The following CADM2 variants were observed in gnomAD, a reference collection of about 807,000 sequenced individuals.
CADM2 encodes immunoglobulin superfamily member 4D.
A neutral mutation model predicts 49.8 loss-of-function variants in CADM2; 12 were observed. That is an observed-to-expected ratio of 0.24 (90% CI 0.15 to 0.39). CADM2 has a LOEUF of 0.39. Ranked by LOEUF, CADM2 falls within the 10% of genes least tolerant of loss-of-function variation. CADM2 has a pLI of 1.00. For missense variants in CADM2, 378 were observed against 492.3 expected (o/e 0.77, Z 2.20); for synonymous variants, 214 against 175.4 (o/e 1.22, Z -1.74).
At chr3:84,998,145 A>G (rs891659182) in intron 1 of CADM2, among the ~76,000 whole-genome samples, 1 of 152,140 alleles carries the variant, frequency 6.6e-6, no homozygotes, top group African/African-American at 2.4e-5. Flanking sequence ...GGTTCATTTG[A>G]CATCTACTTG....
At chr3:85,795,594 A>G (rs1364804571) in intron 2 of CADM2, among the ~76,000 whole-genome samples, 1 of 152,200 alleles carries the variant, frequency 6.6e-6, no homozygotes, top group Non-Finnish European at 1.5e-5. Flanking sequence ...AAACTAGTGT[A>G]TATTAAATAT....
chr3:86,057,060 T>G (rs147738615), intron 8 of CADM2, among the ~76,000 whole-genome samples: 1 of 152,306 alleles, frequency 6.6e-6, no homozygotes, highest in Non-Finnish European at 1.5e-5. Context: ...ATATGAAGAA[T>G]TATATATTTT....
intron 8 of CADM2, among the ~76,000 whole-genome samples, chr3:86,045,073 G>C (rs1350417560): frequency 3.3e-5 from 5 of 149,350 alleles, no homozygotes; most frequent in Non-Finnish European, 5.9e-5. Context: ...GGTGGGAGGG[G>C]GGAGGGATAG....
At chr3:85,259,054 G>T in intron 1 of CADM2, among the ~76,000 whole-genome samples, 1 of 152,114 alleles carries the variant, frequency 6.6e-6, no homozygotes, top group East Asian at 1.9e-4. Flanking sequence ...CATCAGCATT[G>T]ATTGCCTTAG....
chr3:85,106,232 A>G lies in CADM2; in HGVS notation c.61+146564A>G, dbSNP rs577255563. 1.2e-3 allele frequency among the ~76,000 whole-genome samples: 189 copies of G among 152,326 alleles called. 2 individuals carry two copies. Among genetic ancestry groups the G allele is most frequent in the African/African-American group, 4.3e-3 (179 of 41,574 alleles). ...AGTGAGGGAACATTATGAAGGTTGC[A>G]TTGATACGACATATCAAATTTTAAT... On this transcript the variant is annotated intron_variant, in intron 1 of 9. Transcript: ENST00000383699.
At chr3:86,031,003 G>C (rs1353563370) in intron 8 of CADM2, among the ~76,000 whole-genome samples, 28 of 151,706 alleles carry the variant, frequency 1.8e-4, no homozygotes, top group Admixed American at 1.8e-3. Context: ...AGGTAGATTT[G>C]GACGTTCTTT....
chr3:85,994,821 C>G (rs879404463), intron 8 of CADM2: 2 of 151,824 alleles, frequency 1.3e-5, no homozygotes, highest in East Asian at 3.9e-4. Context: ...TTTGTGGAAT[C>G]CCAAAACAAT....
chr3:85,886,440 C>T, intron 5 of CADM2, 113 bp downstream of exon 5: 1 of 731,770 alleles, frequency 1.4e-6, no homozygotes. Context: ...ACAGATTATG[C>T]ATCATTTGAA....
At chr3:86,033,429 T>C (rs1734774769) in intron 8 of CADM2, among the ~76,000 whole-genome samples, 1 of 151,874 alleles carries the variant, frequency 6.6e-6, no homozygotes, top group Non-Finnish European at 1.5e-5. Context: ...TGTTGGATTA[T>C]CAGTGGATGA....
At chr3:85,736,281 C>T (rs1041912481) in intron 2 of CADM2, among the ~76,000 whole-genome samples, 57 of 152,096 alleles carry the variant, frequency 3.7e-4, no homozygotes, top group African/African-American at 1.3e-3. Context: ...TGGTAATTGC[C>T]AATTACTATA....
chr3:85,372,910 A>T (rs1486463494), intron 1 of CADM2, among the ~76,000 whole-genome samples: 2 of 152,072 alleles, frequency 1.3e-5, no homozygotes. Flanking sequence ...ACCTACCCCC[A>T]TGATTCTATT....
chr3:85,126,086 C>T (rs2039024272), intron 1 of CADM2, among the ~76,000 whole-genome samples: 2 of 152,014 alleles, frequency 1.3e-5, no homozygotes, highest in Admixed American at 1.3e-4. Flanking sequence ...AAATATTGTA[C>T]ATTACTCTTT....
At chr3:85,047,338 G>A (rs1433322017) in intron 1 of CADM2, among the ~76,000 whole-genome samples, 4 of 151,982 alleles carry the variant, frequency 2.6e-5, no homozygotes, top group South Asian at 2.1e-4. Context: ...AAATCCTGAC[G>A]GTAGGTTCTA....
intron 1 of CADM2, among the ~76,000 whole-genome samples, chr3:85,363,601 C>CTTTAT (rs778181884): frequency 2.0e-5 from 3 of 151,992 alleles, no homozygotes; most frequent in South Asian, 4.1e-4. Flanking sequence ...GATTTGATAT[C>CTTTAT]TTTATTTTAT....
At chr3:85,973,477 A>T (rs141927792) in intron 8 of CADM2, among the ~76,000 whole-genome samples, 1 of 151,832 alleles carries the variant, frequency 6.6e-6, no homozygotes, top group East Asian at 2.0e-4. Context: ...TCTCTCTATT[A>T]TCTTATTCTC....
chr3:85,400,177 A>C (rs2035024467), intron 1 of CADM2, among the ~76,000 whole-genome samples: 1 of 152,092 alleles, frequency 6.6e-6, no homozygotes. Context: ...GAGTTTTGTC[A>C]AAGGCCTTTT....
intron 1 of CADM2, among the ~76,000 whole-genome samples, chr3:85,263,551 C>T (rs548824093): frequency 1.5e-4 from 23 of 152,196 alleles, no homozygotes; most frequent in Admixed American, 9.2e-4. Flanking sequence ...ATTTTGAGTT[C>T]ACATAGTGCC....
chr3:85,778,723 T>A (rs1444494935), intron 2 of CADM2, among the ~76,000 whole-genome samples: 2 of 152,144 alleles, frequency 1.3e-5, no homozygotes, highest in African/African-American at 4.8e-5. Context: ...AATCAACTTA[T>A]CTTTTATGTA....
intron 3 of CADM2, among the ~76,000 whole-genome samples, chr3:85,856,089 T>C (rs1391995116): frequency 4.6e-5 from 7 of 152,192 alleles, no homozygotes; most frequent in Admixed American, 6.5e-5. Context: ...GAGATTCTTC[T>C]TTTTGCTAGA....
Sources: gnomAD v4.1 joint callset for allele counts (sites outside exome capture counted in the v4.1 genomes callset) on GRCh38, gnomAD v4.1.1 for gene constraint, MANE v1.5 for transcripts, NCBI Gene and HGNC (gene_info 2026-07-23, HGNC 2026-07-21) for gene names.